CRYBG1: variants seen among roughly 807,000 people sequenced by gnomAD.
CRYBG1 encodes crystallin beta-gamma domain containing 1, also known as beta/gamma crystallin domain-containing protein 1.
In CRYBG1, 139 loss-of-function variants were observed where a neutral mutation model predicts 189.2. The observed-to-expected ratio is 0.73, with a 90% CI of 0.64 to 0.85. The LOEUF (loss-of-function observed/expected upper bound fraction) is 0.85, where lower values mean the gene tolerates loss of function less well. Ranked by LOEUF, CRYBG1 falls within the 40% of genes least tolerant of loss-of-function variation. The probability of loss-of-function intolerance (pLI) is 0.00; values close to 1 mark genes in which losing one functional copy is unlikely to be tolerated. For missense variants in CRYBG1, 2,611 were observed against 2,675.8 expected, an observed-to-expected ratio of 0.98 and a Z score of 0.53; for synonymous variants, 1,023 against 1,017.1, an observed-to-expected ratio of 1.01 and a Z score of -0.11.
At position 106,512,968 on chromosome 6, in the gene CRYBG1, T is replaced by C. The variant is rs1294813057; in HGVS notation, c.1851T>C (p.Ser617=). ...LGRAAGAPGA[S]DADGLKPRNH... ...GAGCGGCCGGAGCGCCTGGAGCTTCTGACGCCGACGGCTTGAAGCCCAGGA... is the reference window on the plus strand; with the variant it reads ...GAGCGGCCGGAGCGCCTGGAGCTTCCGACGCCGACGGCTTGAAGCCCAGGA... The change falls in exon 3 of 22, where the codon TCT becomes TCC. Residue 617 remains serine (S), a synonymous_variant. Coordinates refer to ENST00000633556, the MANE Select transcript of CRYBG1 (RefSeq NM_001371242.2). 5.0e-6 allele frequency: 8 copies of C among 1,611,212 alleles called. No homozygotes were observed. In the East Asian group the frequency reaches 1.8e-4, roughly 36 times the overall value.
intron 1 of CRYBG1, among the ~76,000 whole-genome samples, chr6:106,404,053 G>A (rs752532808): frequency 6.6e-6 from 1 of 152,248 alleles, no homozygotes; most frequent in Admixed American, 6.5e-5. Flanking sequence ...GCTCTGCCCA[G>A]ATTTCTCACA....
At chr6:106,496,563 ATAATTT>A (rs1772855960) in intron 2 of CRYBG1, among the ~76,000 whole-genome samples, 2 of 152,306 alleles carry the variant, frequency 1.3e-5, no homozygotes, top group East Asian at 1.9e-4. Flanking sequence ...ACCTTCAAAA[ATAATTT>A]TAAGTTTAAT....
At position 106,520,881 on chromosome 6, in the gene CRYBG1, A is replaced by G; in HGVS notation, c.3673A>G (p.Arg1225Gly). Residue 1225 changes from arginine (R) to glycine (G), a missense_variant, in exon 4 of 22, where the codon AGG becomes GGG. This residue lies in a region of CRYBG1 where 1,622 missense variants were observed against 1,735.0 expected (regional missense o/e 0.93). Transcript: ENST00000633556. ...GCCGGAAATCAATGACAAAGAGAAC[A>G]GGGACGTCACAAATGGTGGCATTAA... is the stretch of plus-strand genomic sequence containing the variant. ...VMPEINDKENRDVTNGGIKRS... is the reference protein window; with the variant it reads ...VMPEINDKENGDVTNGGIKRS... 6.2e-7 allele frequency: 1 copy of G among 1,614,206 alleles called. No homozygotes were observed. Among genetic ancestry groups the G allele is most frequent in the Non-Finnish European group, 8.5e-7 (1 of 1,180,028 alleles).
intron 8 of CRYBG1, among the ~76,000 whole-genome samples, chr6:106,536,530 A>C (rs1047665836): frequency 1.3e-5 from 2 of 152,216 alleles, no homozygotes; most frequent in African/African-American, 4.8e-5. Flanking sequence ...ACAACTTAAG[A>C]TCCATCTGGA....
intron 4 of CRYBG1, among the ~76,000 whole-genome samples, chr6:106,522,017 G>A (rs1773623083): frequency 2.6e-5 from 4 of 152,242 alleles, no homozygotes; most frequent in Admixed American, 2.6e-4. Flanking sequence ...ACAGGTGTGA[G>A]CCATCCTGAC....
intron 2 of CRYBG1, among the ~76,000 whole-genome samples, chr6:106,510,320 A>G (rs1279411976): frequency 1.3e-5 from 2 of 151,782 alleles, no homozygotes; most frequent in Non-Finnish European, 2.9e-5. Flanking sequence ...GCCCACCTCT[A>G]TGCCCCGCAC....
chr6:106,493,749 G>A (rs911340616), intron 2 of CRYBG1, among the ~76,000 whole-genome samples: 38 of 152,130 alleles, frequency 2.5e-4, no homozygotes, highest in African/African-American at 8.7e-4. Context: ...CTTATAAGTG[G>A]GATGAGAACA....
chr6:106,549,172 A>G (rs962411263), intron 13 of CRYBG1, among the ~76,000 whole-genome samples: 1 of 151,934 alleles, frequency 6.6e-6, no homozygotes, highest in Non-Finnish European at 1.5e-5. Context: ...CACTCCTCCC[A>G]CATAGCAGTG....
At chr6:106,438,630 C>G (rs2114417421) in intron 1 of CRYBG1, among the ~76,000 whole-genome samples, 1 of 152,228 alleles carries the variant, frequency 6.6e-6, no homozygotes, top group South Asian at 2.1e-4. Context: ...TTTGCTTTCC[C>G]ATAACATGCT....
At chr6:106,545,631 G>A (rs1774251057) in intron 13 of CRYBG1, among the ~76,000 whole-genome samples, 1 of 152,118 alleles carries the variant, frequency 6.6e-6, no homozygotes, top group African/African-American at 2.4e-5. Flanking sequence ...TTGACTTTAG[G>A]TAGGCCTTTT....
chr6:106,513,077 G>A (rs1374331332), intron 3 of CRYBG1, 38 bp downstream of exon 3: 5 of 1,574,702 alleles, frequency 3.2e-6, no homozygotes, highest in South Asian at 1.1e-5. Context: ...GTTGCTGTCC[G>A]CACACGTGCT....
intron 9 of CRYBG1, 40 bp from the exon 10 acceptor site, chr6:106,541,546 C>A (rs1774130210): frequency 6.3e-7 from 1 of 1,586,896 alleles, no homozygotes; most frequent in South Asian, 1.1e-5. Flanking sequence ...GGTAATGTAT[C>A]AGTGAAAAAC....
rs184688139 is a variant in CRYBG1 at position 106,379,141 on chromosome 6, T to C, written c.173+18060T>C. On this transcript the variant is annotated intron_variant, in intron 1 of 21. Transcript: ENST00000633556. ...TTCAGCCTGGGCGATAGAGCCAGACTCTGGTCTCAAAAATAAATAAATAAG... is the reference window on the plus strand; with the variant it reads ...TTCAGCCTGGGCGATAGAGCCAGACCCTGGTCTCAAAAATAAATAAATAAG... Among the ~76,000 whole-genome samples the C allele has an allele frequency of 7.3e-3, 1,108 of 152,322 alleles. 10 individuals carry two copies. Among genetic ancestry groups the C allele is most frequent in the Non-Finnish European group, 0.012 (816 of 68,030 alleles).
chr6:106,378,743 TAGAA>T (rs1188809974), intron 1 of CRYBG1, among the ~76,000 whole-genome samples: 2 of 152,352 alleles, frequency 1.3e-5, no homozygotes, highest in African/African-American at 4.8e-5. Flanking sequence ...CTACAGTAGA[TAGAA>T]AGAGAAAAAT....
At chr6:106,530,467 T>A in intron 8 of CRYBG1, 152 bp downstream of exon 8, 1 of 695,632 alleles carries the variant, frequency 1.4e-6, no homozygotes, top group Non-Finnish European at 2.2e-6. Flanking sequence ...CGTAAAATTC[T>A]GATTCTTTTG....
intron 18 of CRYBG1, among the ~76,000 whole-genome samples, chr6:106,558,995 C>T (rs953068659): frequency 2.0e-5 from 3 of 152,070 alleles, no homozygotes; most frequent in African/African-American, 7.2e-5. Context: ...CAGATTTCTC[C>T]CTCTCTTATA....
chr6:106,375,664 G>A (rs3851212), intron 1 of CRYBG1, among the ~76,000 whole-genome samples: 20,107 of 152,120 alleles, frequency 0.13, 2,578 homozygotes, highest in African/African-American at 0.33. Flanking sequence ...GGTCAGATCG[G>A]TGAACTTCTC....
At chr6:106,401,985 C>T (rs1431072376) in intron 1 of CRYBG1, among the ~76,000 whole-genome samples, 1 of 150,834 alleles carries the variant, frequency 6.6e-6, no homozygotes, top group Non-Finnish European at 1.5e-5. Context: ...AAATCACAAG[C>T]ATTCTTATAC....
chr6:106,542,726 A>T lies in CRYBG1; in HGVS notation c.4882-714A>T, dbSNP rs1355976314. Reference sequence around the variant, plus strand: ...GAGTGCAGTGACGTGATCTCAGCTCACTTAACCCTCTGCCTCCTGAGTTCA... The same window carrying T: ...GAGTGCAGTGACGTGATCTCAGCTCTCTTAACCCTCTGCCTCCTGAGTTCA... On this transcript the variant is annotated intron_variant, in intron 10 of 21. Transcript: ENST00000633556. Among the ~76,000 whole-genome samples, 17 of 150,834 alleles carry T rather than the reference A, an allele frequency of 1.1e-4. No individual in the cohort carries two copies. The East Asian group carries it at 3.3e-3, about 29-fold the overall frequency.
Sources: allele counts gnomAD v4.1 joint callset (sites outside exome capture counted in the v4.1 genomes callset), GRCh38; gene constraint gnomAD v4.1.1; regional missense constraint gnomAD v4.1.1; transcripts MANE v1.5; gene names NCBI Gene and HGNC (gene_info 2026-07-23, HGNC 2026-07-21).